The following RCL1 variants were observed in gnomAD, a reference collection of about 807,000 sequenced individuals.
RCL1 encodes RNA terminal phosphate cyclase like 1.
Under a neutral mutation model 42.4 loss-of-function variants are expected in RCL1, and 24 were observed. That is an observed-to-expected ratio of 0.57 (90% CI 0.41 to 0.80). The LOEUF (loss-of-function observed/expected upper bound fraction) is 0.80. Among genes scored for constraint, RCL1 ranks in the 30% least tolerant of loss-of-function variants. RCL1 has a pLI of 0.00. For missense variants in RCL1, 578 were observed against 467.9 expected (o/e 1.24, Z -2.17); for synonymous variants, 228 against 177.3 (o/e 1.29, Z -2.27).
intron 8 of RCL1, 30 bp from the exon 9 acceptor site, chr9:4,860,095 T>C (rs768501839): frequency 3.2e-5 from 46 of 1,430,566 alleles, no homozygotes; most frequent in Non-Finnish European, 4.3e-5. Flanking sequence ...AATTTCTTTT[T>C]ATTTATTTAT....
intron 1 of RCL1, among the ~76,000 whole-genome samples, chr9:4,815,380 A>G (rs190092103): frequency 1.3e-5 from 2 of 151,612 alleles, no homozygotes; most frequent in Admixed American, 1.3e-4. Flanking sequence ...CTTATGCTTG[A>G]TCATGTCTGC....
At chr9:4,844,743 A>G (rs1163929471) in intron 7 of RCL1, 62 bp downstream of exon 7, 2 of 1,527,842 alleles carry the variant, frequency 1.3e-6, no homozygotes, top group Non-Finnish European at 1.8e-6. Flanking sequence ...TCTCATTCTC[A>G]TCTCTTGGCA....
chr9:4,820,177 T>C (rs1340313865), intron 1 of RCL1, among the ~76,000 whole-genome samples: 2 of 152,178 alleles, frequency 1.3e-5, no homozygotes. Flanking sequence ...CTGAACGTTT[T>C]GAGATACCTG....
intron 5 of RCL1, among the ~76,000 whole-genome samples, chr9:4,836,183 A>G (rs764211663): frequency 2.6e-5 from 4 of 152,364 alleles, no homozygotes; most frequent in South Asian, 2.1e-4. Context: ...TGCCAGCTGC[A>G]TGGCCATGTG....
intron 8 of RCL1, among the ~76,000 whole-genome samples, chr9:4,852,799 A>T (rs561725764): frequency 4.6e-4 from 67 of 147,036 alleles, no homozygotes; most frequent in Middle Eastern, 3.5e-3. Context: ...CTCCTTGAGG[A>T]GCAGGACTAC....
At chr9:4,836,934 T>C (rs1185671032) in intron 5 of RCL1, among the ~76,000 whole-genome samples, 1 of 152,146 alleles carries the variant, frequency 6.6e-6, no homozygotes, top group African/African-American at 2.4e-5. Context: ...GTCTGTTCTC[T>C]GCATGGCTGT....
chr9:4,829,644 G>C (rs1264363652), intron 3 of RCL1, among the ~76,000 whole-genome samples: 2 of 152,154 alleles, frequency 1.3e-5, no homozygotes, highest in Non-Finnish European at 2.9e-5. Context: ...TTGAACACTG[G>C]TGGGTTTGGC....
chr9:4,802,198 T>C (rs1843015404), intron 1 of RCL1, among the ~76,000 whole-genome samples: 1 of 151,882 alleles, frequency 6.6e-6, no homozygotes, highest in Non-Finnish European at 1.5e-5. Flanking sequence ...GTGCTGGGAT[T>C]ATAGGTGTGA....
intron 7 of RCL1, among the ~76,000 whole-genome samples, chr9:4,846,768 A>G (rs541671051): frequency 2.0e-5 from 3 of 152,310 alleles, no homozygotes; most frequent in Admixed American, 6.5e-5. Flanking sequence ...GTAGGAGCCT[A>G]TGGGCACAGC....
chr9:4,796,379 A>G (rs145047327), intron 1 of RCL1, among the ~76,000 whole-genome samples: 1 of 152,186 alleles, frequency 6.6e-6, no homozygotes, highest in East Asian at 1.9e-4. Context: ...AATGGCCTCT[A>G]GCTCCATGTT....
rs370719448 is a variant in RCL1 at position 4,830,659 on chromosome 9, C to T, written c.385-2495C>T. 9.2e-5 allele frequency among the ~76,000 whole-genome samples: 14 copies of T among 152,290 alleles called. No homozygotes were observed. The South Asian group carries it at 2.9e-3, about 32-fold the overall frequency. ...AGAAGGAAAAGAAGTACAATAATGT[C>T]TCCCATGTACTGGGCATTATTCTAG... On this transcript the variant is annotated intron_variant, in intron 3 of 8. Transcript: ENST00000381750.
chr9:4,841,163 C>G, intron 5 of RCL1, 69 bp from the exon 6 acceptor site: 2 of 1,581,488 alleles, frequency 1.3e-6, no homozygotes, highest in Non-Finnish European at 1.7e-6. Context: ...AAATACTTGC[C>G]AGCTTTATAA....
Position 4,793,109 on chromosome 9 carries a change from C to G in RCL1, c.18C>G (p.His6Gln). MATQA[H>Q]SLSYAGCNFL... ...GCGCGCACATGGCGACTCAGGCGCA[C>G]TCCCTCAGCTACGCAGGGTGCAACT... The change falls in exon 1 of 9, where the codon CAC (histidine) becomes CAG (glutamine). Residue 6 changes from histidine to glutamine, a missense_variant. Transcript: ENST00000381750. The G allele has an allele frequency of 6.2e-7, 1 of 1,609,524 alleles. No homozygotes were observed. The highest frequency in any genetic ancestry group is 2.2e-5 in the East Asian group (1 of 44,546).
At chr9:4,847,598 CA>C (rs1817566297) in intron 7 of RCL1, among the ~76,000 whole-genome samples, 1 of 152,244 alleles carries the variant, frequency 6.6e-6, no homozygotes, top group African/African-American at 2.4e-5. Flanking sequence ...GCATTTCTAG[CA>C]GAGAAGTTCT....
chr9:4,834,317 CTAAGA>C (rs1817050069), intron 5 of RCL1, 52 bp downstream of exon 5: 14 of 1,565,512 alleles, frequency 8.9e-6, no homozygotes, highest in Non-Finnish European at 1.2e-5. Flanking sequence ...TGTTGCCTCA[CTAAGA>C]TAAGAATGAC....
At chr9:4,819,201 G>T (rs1041850035) in intron 1 of RCL1, among the ~76,000 whole-genome samples, 1 of 152,212 alleles carries the variant, frequency 6.6e-6, no homozygotes, top group African/African-American at 2.4e-5. Flanking sequence ...GGATGAAACT[G>T]TTCCACCTCA....
At chr9:4,844,383 C>G (rs182909020) in intron 6 of RCL1, 142 bp from the exon 7 acceptor site, 1 of 584,058 alleles carries the variant, frequency 1.7e-6, no homozygotes, top group Non-Finnish European at 3.0e-6. Context: ...CTAGTAGCAA[C>G]TCTATGAGGT....
chr9:4,819,580 G>A (rs879619378), intron 1 of RCL1, among the ~76,000 whole-genome samples: 9 of 152,164 alleles, frequency 5.9e-5, no homozygotes, highest in Non-Finnish European at 1.2e-4. Context: ...AGGTCGAGGC[G>A]GGGGGATCAT....
At chr9:4,858,103 A>G (rs1818025561) in intron 8 of RCL1, among the ~76,000 whole-genome samples, 1 of 151,910 alleles carries the variant, frequency 6.6e-6, no homozygotes, top group Non-Finnish European at 1.5e-5. Context: ...CTTGAATTCC[A>G]GGCCCCAAGC....
Sources: gnomAD v4.1 joint callset for allele counts (sites outside exome capture counted in the v4.1 genomes callset) on GRCh38, gnomAD v4.1.1 for gene constraint, MANE v1.5 for transcripts, NCBI Gene and HGNC (gene_info 2026-07-23, HGNC 2026-07-21) for gene names.